The following PPM1H variants were observed in gnomAD, a reference collection of about 807,000 sequenced individuals.
The protein encoded by PPM1H is protein phosphatase 1H.
In PPM1H, 27 loss-of-function variants were observed where a neutral mutation model predicts 54.9. The ratio of observed to expected loss-of-function variants is 0.49; its 90% CI spans 0.36 to 0.68. The LOEUF (loss-of-function observed/expected upper bound fraction) is 0.68, where lower values mean the gene tolerates loss of function less well. Ranked by LOEUF, PPM1H falls within the 30% of genes least tolerant of loss-of-function variation. The pLI is 0.00. For synonymous variants in PPM1H, 305 were observed against 270.8 expected, an observed-to-expected ratio of 1.13 and a Z score of -1.24; for missense variants, 596 against 667.8, an observed-to-expected ratio of 0.89 and a Z score of 1.19.
At chr12:62,785,081 C>T (rs1296394548) in intron 4 of PPM1H, among the ~76,000 whole-genome samples, 1 of 152,068 alleles carries the variant, frequency 6.6e-6, no homozygotes, top group South Asian at 2.1e-4. Flanking sequence ...TTTAGAGATA[C>T]TGCTTTTTTG....
chr12:62,862,448 C>T (rs959875228), intron 1 of PPM1H, among the ~76,000 whole-genome samples: 59 of 152,302 alleles, frequency 3.9e-4, no homozygotes, highest in African/African-American at 1.4e-3. Flanking sequence ...GAGCATCTAT[C>T]GAGTCTTCAA....
chr12:62,878,626 T>TAAAAAAAAAAAAAAAAAAAAAAAAAAA lies in PPM1H; in HGVS notation c.246-46374_246-46348dup, dbSNP rs34587900. On this transcript the variant is annotated intron_variant, in intron 1 of 9. Coordinates refer to ENST00000228705, the MANE Select transcript of PPM1H (RefSeq NM_020700.2). ...TTTTGTTTGAAACAATGATTACGCTTAAAAAAAAAAAAAAAAAAAAAAAAA... is the reference window on the plus strand; with the variant it reads ...TTTTGTTTGAAACAATGATTACGCTTAAAAAAAAAAAAAAAAAAAAAAAAAAAAAAAAAAAAAAAAAAAAAAAAAAAA... 2.5e-5 allele frequency among the ~76,000 whole-genome samples: 2 copies of TAAAAAAAAAAAAAAAAAAAAAAAAAAA among 81,564 alleles called. 1 individual carries two copies. The highest frequency in any genetic ancestry group is 4.6e-5 in the Non-Finnish European group (2 of 43,552). 53.5% of individuals were successfully genotyped at this position (81,564 alleles called of 152,430 possible). A position where few individuals can be genotyped will look rare whatever the true frequency, so the allele number is the denominator to read the frequency against.
intron 9 of PPM1H, among the ~76,000 whole-genome samples, chr12:62,665,555 TG>T (rs2075913132): frequency 2.6e-5 from 4 of 152,348 alleles, no homozygotes; most frequent in African/African-American, 9.6e-5. Flanking sequence ...AGCCATCTAC[TG>T]GATTATTTAT....
chr12:62,920,489 T>G (rs772574), intron 1 of PPM1H, among the ~76,000 whole-genome samples: 46,080 of 148,588 alleles, frequency 0.31, 7,899 homozygotes, highest in Non-Finnish European at 0.4. Flanking sequence ...AATGAGGTTT[T>G]TTTTTTTTTT....
At chr12:62,713,826 G>C (rs1367449879) in intron 6 of PPM1H, among the ~76,000 whole-genome samples, 3 of 151,998 alleles carry the variant, frequency 2.0e-5, no homozygotes, top group African/African-American at 7.2e-5. Context: ...AAAATTAGCA[G>C]GGTGTGGTGT....
At chr12:62,929,394 C>G (rs1872064021) in intron 1 of PPM1H, among the ~76,000 whole-genome samples, 1 of 152,122 alleles carries the variant, frequency 6.6e-6, no homozygotes, top group Admixed American at 6.5e-5. Flanking sequence ...TTAAATTAGG[C>G]AAATCACAGA....
At chr12:62,681,447 G>C (rs969205116) in intron 8 of PPM1H, among the ~76,000 whole-genome samples, 9 of 152,140 alleles carry the variant, frequency 5.9e-5, no homozygotes, top group African/African-American at 2.2e-4. Context: ...CCATGGTTAC[G>C]GCTAAGATAT....
At chr12:62,781,310 G>A (rs1194436611) in intron 4 of PPM1H, among the ~76,000 whole-genome samples, 2 of 152,206 alleles carry the variant, frequency 1.3e-5, no homozygotes, top group East Asian at 3.9e-4. Context: ...GCAGTCAGCC[G>A]GCCCAGGTAC....
chr12:62,690,424 C>T (rs1156358989), intron 7 of PPM1H, among the ~76,000 whole-genome samples: 3 of 152,162 alleles, frequency 2.0e-5, no homozygotes, highest in African/African-American at 4.8e-5. Flanking sequence ...CCACAAATTC[C>T]CTCTGGGTGG....
chr12:62,753,432 G>T (rs1426104217), intron 4 of PPM1H, among the ~76,000 whole-genome samples: 4 of 152,180 alleles, frequency 2.6e-5, no homozygotes, highest in Admixed American at 6.5e-5. Context: ...CCAAAACCAG[G>T]TTCCTTTGTA....
intron 1 of PPM1H, among the ~76,000 whole-genome samples, chr12:62,855,947 A>C (rs1869369515): frequency 6.6e-6 from 1 of 152,180 alleles, no homozygotes. Flanking sequence ...GACTGTGTTA[A>C]GTGTACAGCT....
chr12:62,834,487 A>G, intron 1 of PPM1H, among the ~76,000 whole-genome samples: 1 of 152,080 alleles, frequency 6.6e-6, no homozygotes, highest in Non-Finnish European at 1.5e-5. Flanking sequence ...ACCTCTTCCT[A>G]TTGTGCCCTG....
At chr12:62,913,290 C>T (rs138677694) in intron 1 of PPM1H, among the ~76,000 whole-genome samples, 47 of 152,234 alleles carry the variant, frequency 3.1e-4, no homozygotes, top group Admixed American at 2.0e-3. Flanking sequence ...TAAAAGACTT[C>T]GTGGACTAGA....
rs146085910 is a variant in PPM1H at position 62,756,843 on chromosome 12, T to C, written c.870-19257A>G. On this transcript the variant is annotated intron_variant, in intron 4 of 9. Coordinates refer to ENST00000228705, the MANE Select transcript of PPM1H (RefSeq NM_020700.2). The stretch of plus-strand genomic sequence containing the variant: ...TGAGAGGGAAAGAGAAAGCAGGATA[T>C]CTAACCAGGAACCAGTTGGACCTAG... Among the ~76,000 whole-genome samples the C allele has an allele frequency of 2.1e-3, 322 of 151,982 alleles. 2 individuals carry two copies. The highest frequency in any genetic ancestry group is 3.4e-3 in the Middle Eastern group (1 of 294).
rs73127917 is a variant in PPM1H at position 62,673,906 on chromosome 12, C to T, written c.1246-6577G>A. Among the ~76,000 whole-genome samples the T allele has an allele frequency of 5.7e-3, 856 of 151,236 alleles. 3 individuals carry two copies. The highest frequency in any genetic ancestry group is 0.013 in the Admixed American group (191 of 15,144). On this transcript the variant is annotated intron_variant, in intron 8 of 9. Transcript: ENST00000228705. ...TATACTTTTTTACTTTTTGTAGAGACGAGTTTCATCATGTTTCTCAGGCTG... is the reference window on the plus strand; with the variant it reads ...TATACTTTTTTACTTTTTGTAGAGATGAGTTTCATCATGTTTCTCAGGCTG...
intron 1 of PPM1H, among the ~76,000 whole-genome samples, chr12:62,865,900 C>A (rs543209935): frequency 3.1e-4 from 47 of 152,302 alleles, no homozygotes; most frequent in South Asian, 2.1e-3. Flanking sequence ...CCAAATTGTT[C>A]TTGACCAGTA....
intron 2 of PPM1H, among the ~76,000 whole-genome samples, chr12:62,815,429 G>A (rs993998090): frequency 2.6e-5 from 4 of 152,100 alleles, no homozygotes; most frequent in African/African-American, 9.7e-5. Flanking sequence ...ATTTATAAAA[G>A]GAAGTACAAA....
intron 4 of PPM1H, among the ~76,000 whole-genome samples, chr12:62,779,277 G>A (rs2076628502): frequency 6.6e-6 from 1 of 152,122 alleles, no homozygotes; most frequent in African/African-American, 2.4e-5. Flanking sequence ...TCGAACTCCT[G>A]ACCTTGTGAT....
chr12:62,719,491 G>C (rs2076252585), intron 6 of PPM1H, among the ~76,000 whole-genome samples: 1 of 144,058 alleles, frequency 6.9e-6, no homozygotes, highest in Admixed American at 7.1e-5. Flanking sequence ...TAGTGTATAA[G>C]TACTTATCAT....
Sources: gnomAD v4.1 joint callset for allele counts (sites outside exome capture counted in the v4.1 genomes callset) on GRCh38, gnomAD v4.1.1 for gene constraint, MANE v1.5 for transcripts, NCBI Gene and HGNC (gene_info 2026-07-23, HGNC 2026-07-21) for gene names.